MAP2K6: variants seen among roughly 807,000 people sequenced by gnomAD.
MAP2K6 encodes the protein dual specificity mitogen-activated protein kinase kinase 6.
In MAP2K6, 16 loss-of-function variants were observed where a neutral mutation model predicts 53.7. The observed-to-expected ratio is 0.30, with a 90% confidence interval of 0.20 to 0.45. The LOEUF (loss-of-function observed/expected upper bound fraction) is 0.45, where lower values mean the gene tolerates loss of function less well. Ranked by LOEUF, MAP2K6 falls within the 20% of genes least tolerant of loss-of-function variation. The probability of loss-of-function intolerance (pLI) is 1.00; values close to 1 mark genes in which losing one functional copy is unlikely to be tolerated. For synonymous variants in MAP2K6, 132 were observed against 143.1 expected (o/e 0.92, Z 0.55); for missense variants, 204 against 411.9 (o/e 0.50, Z 4.37).
intron 8 of MAP2K6, 52 bp from the exon 9 acceptor site, chr17:69,524,849 A>G (rs996741782): frequency 8.8e-6 from 12 of 1,363,212 alleles, no homozygotes; most frequent in Non-Finnish European, 1.3e-5. Flanking sequence ...TTGAGCTAAG[A>G]ACGTTATCTC....
At chr17:69,423,502 C>T (rs1210628959) in intron 1 of MAP2K6, among the ~76,000 whole-genome samples, 8 of 152,148 alleles carry the variant, frequency 5.3e-5, no homozygotes, top group Non-Finnish European at 1.0e-4. Flanking sequence ...TTTATTCCAT[C>T]GAATACTGGG....
At chr17:69,526,290 A>G (rs1747061901) in intron 9 of MAP2K6, among the ~76,000 whole-genome samples, 1 of 152,188 alleles carries the variant, frequency 6.6e-6, no homozygotes, top group Non-Finnish European at 1.5e-5. Context: ...TTGGCTTACA[A>G]TTTTTATGAA....
chr17:69,450,311 A>T (rs1159649650), intron 1 of MAP2K6, among the ~76,000 whole-genome samples: 1 of 152,116 alleles, frequency 6.6e-6, no homozygotes, highest in Admixed American at 6.5e-5. Flanking sequence ...GCATGAATTC[A>T]TGTAGTTTGA....
intron 1 of MAP2K6, among the ~76,000 whole-genome samples, chr17:69,504,171 C>G (rs1213620616): frequency 6.6e-6 from 1 of 150,808 alleles, no homozygotes; most frequent in Non-Finnish European, 1.5e-5. Flanking sequence ...GTTTAAGTTT[C>G]TTTGCAGCTT....
chr17:69,487,487 G>A (rs1908587114), intron 1 of MAP2K6, among the ~76,000 whole-genome samples: 2 of 152,176 alleles, frequency 1.3e-5, no homozygotes, highest in Admixed American at 1.3e-4. Context: ...TGCCAGAAAC[G>A]GCAGTGTAGC....
At position 69,552,650 on chromosome 17, in the gene MAP2K6, G is replaced by A. The variant is rs891145587; in HGVS notation, c.*10897G>A. 2.0e-5 allele frequency: 3 copies of A among 152,228 alleles called. No individual in the cohort carries two copies. The highest frequency in any genetic ancestry group is 6.5e-5 in the Admixed American group (1 of 15,278). The allele number at this position is 152,228 out of a possible 1,614,324, so 9.4% of individuals were successfully genotyped here. A position where few individuals can be genotyped will look rare whatever the true frequency, so the allele number is the denominator to read the frequency against. ...TGTGAGCTGAAGAAGGAAAGAAGGA[G>A]TTGGGGGTGTATATCTAACTGTGTT... is the stretch of plus-strand genomic sequence containing the variant. On this transcript the variant is annotated 3_prime_UTR_variant, in exon 12 of 12. Transcript: ENST00000590474.
intron 1 of MAP2K6, among the ~76,000 whole-genome samples, chr17:69,459,733 A>T (rs1031866940): frequency 1.3e-5 from 2 of 150,866 alleles, no homozygotes; most frequent in African/African-American, 4.9e-5. Context: ...AAAAAAAAAA[A>T]AAGAGGAAAA....
chr17:69,471,376 A>G (rs1907976452), intron 1 of MAP2K6, among the ~76,000 whole-genome samples: 1 of 152,230 alleles, frequency 6.6e-6, no homozygotes, highest in Non-Finnish European at 1.5e-5. Context: ...TTGTAGCAAC[A>G]TGGATGGAGC....
At chr17:69,471,564 G>A (rs906224337) in intron 1 of MAP2K6, among the ~76,000 whole-genome samples, 7 of 152,122 alleles carry the variant, frequency 4.6e-5, no homozygotes, top group South Asian at 2.1e-4. Context: ...CCTACTAGGC[G>A]CAATGTTCAC....
At chr17:69,470,439 G>T (rs1907949021) in intron 1 of MAP2K6, among the ~76,000 whole-genome samples, 1 of 152,174 alleles carries the variant, frequency 6.6e-6, no homozygotes, top group Non-Finnish European at 1.5e-5. Context: ...ATCCGTCAGG[G>T]AAGGGAGGAA....
intron 1 of MAP2K6, among the ~76,000 whole-genome samples, chr17:69,418,086 T>C (rs1905961002): frequency 6.6e-6 from 1 of 152,216 alleles, no homozygotes; most frequent in East Asian, 1.9e-4. Flanking sequence ...TCTTGTTCTC[T>C]ATAAATTCCT....
At chr17:69,513,527 A>G (rs1420621741) in intron 2 of MAP2K6, among the ~76,000 whole-genome samples, 1 of 152,168 alleles carries the variant, frequency 6.6e-6, no homozygotes, top group Non-Finnish European at 1.5e-5. Context: ...TTCAGGGGTA[A>G]TGCAAAGTTA....
chr17:69,537,518 G>A (rs1034170158), intron 11 of MAP2K6, among the ~76,000 whole-genome samples: 1 of 152,338 alleles, frequency 6.6e-6, no homozygotes, highest in African/African-American at 2.4e-5. Context: ...GTCAAATGCT[G>A]TGGTGAGGTG....
At chr17:69,420,057 A>G (rs1906028796) in intron 1 of MAP2K6, among the ~76,000 whole-genome samples, 1 of 152,156 alleles carries the variant, frequency 6.6e-6, no homozygotes, top group African/African-American at 2.4e-5. Flanking sequence ...GATGAGTTCT[A>G]ATTTTAATTT....
At chr17:69,460,731 G>C (rs1907598438) in intron 1 of MAP2K6, among the ~76,000 whole-genome samples, 1 of 152,144 alleles carries the variant, frequency 6.6e-6, no homozygotes, top group South Asian at 2.1e-4. Context: ...CTCCCAAGTA[G>C]CTGGAACTAC....
chr17:69,449,651 C>T (rs546182434), intron 1 of MAP2K6, among the ~76,000 whole-genome samples: 1 of 118,386 alleles, frequency 8.4e-6, no homozygotes, highest in South Asian at 3.0e-4. Context: ...GTCTCGCTGT[C>T]GCCCAGGCTA....
chr17:69,437,107 G>A (rs190569231), intron 1 of MAP2K6, among the ~76,000 whole-genome samples: 5 of 152,232 alleles, frequency 3.3e-5, no homozygotes, highest in East Asian at 3.9e-4. Flanking sequence ...GATTACAGGC[G>A]TGAGCCACCG....
chr17:69,484,384 A>G (rs1171421651), intron 1 of MAP2K6, among the ~76,000 whole-genome samples: 1 of 152,064 alleles, frequency 6.6e-6, no homozygotes, highest in African/African-American at 2.4e-5. Context: ...AGTGAGATCT[A>G]CTTCACATCT....
At position 69,544,912 on chromosome 17, in the gene MAP2K6, A is replaced by G. The variant is rs1255535936; in HGVS notation, c.*3159A>G. On this transcript the variant is annotated 3_prime_UTR_variant, in exon 12 of 12. Transcript: ENST00000590474. Reference sequence around the variant, plus strand: ...CACTCCCTCCTCTGAGATGTGTGTCATCATTTGAGAATTCTTACTTAGGTT... The same window carrying G: ...CACTCCCTCCTCTGAGATGTGTGTCGTCATTTGAGAATTCTTACTTAGGTT... 6.6e-6 allele frequency: 1 copy of G among 152,202 alleles called. No individual in the cohort carries two copies. The highest frequency in any genetic ancestry group is 2.4e-5 in the African/African-American group (1 of 41,448). 9.4% of individuals were successfully genotyped at this position (152,202 alleles called of 1,614,324 possible).
Sources: gnomAD v4.1 joint callset for allele counts (sites outside exome capture counted in the v4.1 genomes callset) on GRCh38, gnomAD v4.1.1 for gene constraint, MANE v1.5 for transcripts, NCBI Gene and HGNC (gene_info 2026-07-23, HGNC 2026-07-21) for gene names.